The following GRM5 variants were observed in gnomAD, a reference collection of about 807,000 sequenced individuals.
GRM5 encodes the protein glutamate metabotropic receptor 5.
Under a neutral mutation model 83.1 loss-of-function variants are expected in GRM5, and 19 were observed. That is an observed-to-expected ratio of 0.23 (90% confidence interval 0.16 to 0.34). The LOEUF (loss-of-function observed/expected upper bound fraction) is 0.34. Ranked by LOEUF, GRM5 falls within the 10% of genes least tolerant of loss-of-function variation. The pLI, the probability that GRM5 is intolerant of heterozygous loss-of-function variation, is 1.00. For synonymous variants in GRM5, 675 were observed against 633.6 expected (o/e 1.07, Z -0.98); for missense variants, 1,160 against 1,588.3 (o/e 0.73, Z 4.58).
In GRM5 at chr11:88,936,983, G is replaced by T. The variant is rs570646393; in HGVS notation, c.662-86828C>A. Reference sequence around the variant, plus strand: ...GTGGAGGATGGAAAGATTAGAAGCTGGAAGATTCCCAAAGAGAAGTTCCAA... The same window carrying T: ...GTGGAGGATGGAAAGATTAGAAGCTTGAAGATTCCCAAAGAGAAGTTCCAA... On this transcript the variant is annotated intron_variant, in intron 2 of 9. Coordinates refer to ENST00000305447, the MANE Select transcript of GRM5 (RefSeq NM_001143831.3). Among the ~76,000 whole-genome samples the T allele has an allele frequency of 2.2e-4, 34 of 151,684 alleles. 1 individual carries two copies. In the South Asian group the frequency reaches 4.4e-3, roughly 19 times the overall value.
intron 3 of GRM5, among the ~76,000 whole-genome samples, chr11:88,679,113 A>G (rs1940411246): frequency 6.6e-6 from 1 of 152,198 alleles, no homozygotes; most frequent in Admixed American, 6.5e-5. Context: ...ATGTTACAAT[A>G]TGAAAAATTA....
intron 3 of GRM5, among the ~76,000 whole-genome samples, chr11:88,821,918 A>C (rs1022067729): frequency 2.0e-5 from 3 of 151,600 alleles, no homozygotes; most frequent in Non-Finnish European, 2.9e-5. Flanking sequence ...TGAATACTGG[A>C]GTTCCCAATT....
chr11:88,629,018 A>G (rs1383064654), intron 4 of GRM5, among the ~76,000 whole-genome samples: 2 of 152,214 alleles, frequency 1.3e-5, no homozygotes, highest in East Asian at 1.9e-4. Context: ...CTAGTCAGGT[A>G]CTGCAAAGTA....
At chr11:88,582,924 G>T (rs748686915) in intron 7 of GRM5, among the ~76,000 whole-genome samples, 3 of 152,032 alleles carry the variant, frequency 2.0e-5, no homozygotes, top group Non-Finnish European at 4.4e-5. Flanking sequence ...TAGCACCTGG[G>T]ATTTCTTTTC....
chr11:89,061,767 C>T (rs1941998628), intron 1 of GRM5, among the ~76,000 whole-genome samples: 2 of 152,136 alleles, frequency 1.3e-5, no homozygotes, highest in African/African-American at 2.4e-5. Context: ...ATACCAACTC[C>T]CTCTCCCAAA....
chr11:88,681,280 A>G (rs2135345587), intron 3 of GRM5, among the ~76,000 whole-genome samples: 1 of 152,162 alleles, frequency 6.6e-6, no homozygotes, highest in East Asian at 1.9e-4. Context: ...AATGGAGCAC[A>G]TTTTATACTT....
intron 3 of GRM5, among the ~76,000 whole-genome samples, chr11:88,707,680 G>A (rs896676116): frequency 1.3e-5 from 2 of 152,124 alleles, no homozygotes; most frequent in Admixed American, 1.3e-4. Context: ...CCATTCCTCT[G>A]TAGATACCAA....
chr11:88,596,022 C>T (rs1591371417), intron 6 of GRM5, among the ~76,000 whole-genome samples: 2 of 152,056 alleles, frequency 1.3e-5, no homozygotes, highest in Non-Finnish European at 2.9e-5. Context: ...CTAGACTAAG[C>T]TTTAATCACT....
rs547159506 is a variant in GRM5 at position 88,762,859 on chromosome 11, T to C, written c.911+87047A>G. On this transcript the variant is annotated intron_variant, in intron 3 of 9. Coordinates refer to ENST00000305447, the MANE Select transcript of GRM5 (RefSeq NM_001143831.3). ...GCAGTCATAAAAAAGAATGAGGTCA[T>C]GTCTTTTGCACGAACATGTAATGGA... is the stretch of plus-strand genomic sequence containing the variant. Among the ~76,000 whole-genome samples, 19 of 152,128 alleles carry C rather than the reference T, an allele frequency of 1.2e-4. No homozygotes were observed. In the South Asian group the frequency reaches 3.7e-3, roughly 30 times the overall value.
At chr11:88,860,221 C>A (rs1188860468) in intron 2 of GRM5, among the ~76,000 whole-genome samples, 7 of 151,598 alleles carry the variant, frequency 4.6e-5, no homozygotes, top group Non-Finnish European at 7.4e-5. Context: ...CATTTTTTTC[C>A]TCTGGCTATT....
At chr11:88,621,934 G>C (rs1938647579) in intron 4 of GRM5, among the ~76,000 whole-genome samples, 1 of 152,096 alleles carries the variant, frequency 6.6e-6, no homozygotes, top group African/African-American at 2.4e-5. Flanking sequence ...TAATACAAGA[G>C]ATTTGATTAG....
At chr11:88,671,310 A>T (rs1419316332) in intron 3 of GRM5, among the ~76,000 whole-genome samples, 1 of 152,054 alleles carries the variant, frequency 6.6e-6, no homozygotes, top group African/African-American at 2.4e-5. Flanking sequence ...TTCCAAGCTT[A>T]TAATAAGTTT....
intron 2 of GRM5, among the ~76,000 whole-genome samples, chr11:88,882,852 C>A (rs1042533352): frequency 6.6e-6 from 1 of 152,144 alleles, no homozygotes; most frequent in Non-Finnish European, 1.5e-5. Flanking sequence ...TGGGAGGTAA[C>A]TGAATCATGA....
At chr11:88,603,245 A>G (rs552324088) in intron 5 of GRM5, among the ~76,000 whole-genome samples, 2 of 152,288 alleles carry the variant, frequency 1.3e-5, no homozygotes, top group East Asian at 3.9e-4. Context: ...ATAGAGCTGG[A>G]CCTTCTGAGG....
chr11:89,064,888 C>CTCTCTCTGTGTG (rs1218318990), intron 1 of GRM5, among the ~76,000 whole-genome samples: 2 of 62,212 alleles, frequency 3.2e-5, no homozygotes, highest in African/African-American at 1.4e-4. Context: ...CTCTCTCTCT[C>CTCTCTCTGTGTG]TGTGTGTGTG....
intron 2 of GRM5, among the ~76,000 whole-genome samples, chr11:89,010,560 T>C (rs957531722): frequency 1.3e-5 from 2 of 152,066 alleles, no homozygotes; most frequent in African/African-American, 4.8e-5. Context: ...TGGCACAGAA[T>C]TGTTAAAATG....
At chr11:88,513,472 C>A (rs1033114774) in intron 9 of GRM5, among the ~76,000 whole-genome samples, 2 of 152,094 alleles carry the variant, frequency 1.3e-5, no homozygotes, top group East Asian at 3.8e-4. Context: ...TTCTTATATA[C>A]CTCCCTTTAA....
At chr11:88,848,159 A>G (rs1944328763) in intron 3 of GRM5, among the ~76,000 whole-genome samples, 3 of 152,180 alleles carry the variant, frequency 2.0e-5, no homozygotes, top group African/African-American at 7.2e-5. Context: ...GAATATTGGC[A>G]GTTGGCATGT....
At chr11:88,991,756 A>G (rs1266077653) in intron 2 of GRM5, among the ~76,000 whole-genome samples, 1 of 152,134 alleles carries the variant, frequency 6.6e-6, no homozygotes, top group Admixed American at 6.5e-5. Flanking sequence ...AAAACAAGAA[A>G]TGGGGAAAGG....
Sources: gnomAD v4.1 joint callset for allele counts (sites outside exome capture counted in the v4.1 genomes callset) on GRCh38, gnomAD v4.1.1 for gene constraint, MANE v1.5 for transcripts, NCBI Gene and HGNC (gene_info 2026-07-23, HGNC 2026-07-21) for gene names.